GDI2: variants seen among roughly 807,000 people sequenced by gnomAD.
GDI2 encodes the protein GDP dissociation inhibitor 2, also known as rab GDP dissociation inhibitor beta.
GDI2 carries 22 observed loss-of-function variants against 54.2 expected under a neutral mutation model. The observed-to-expected ratio is 0.41, with a 90% CI of 0.29 to 0.58. The LOEUF (loss-of-function observed/expected upper bound fraction) is 0.58. Among genes scored for constraint, GDI2 ranks in the 20% least tolerant of loss-of-function variants. GDI2 has a pLI of 0.35. For synonymous variants in GDI2, 177 were observed against 182.1 expected, an observed-to-expected ratio of 0.97 and a Z score of 0.23; for missense variants, 422 against 546.0, an observed-to-expected ratio of 0.77 and a Z score of 2.26.
At position 5,766,092 on chromosome 10, in the gene GDI2, T is replaced by G. The variant is rs956483528; in HGVS notation, c.1252A>C (p.Lys418Gln). The G allele has an allele frequency of 7.5e-6, 12 of 1,609,576 alleles. No individual in the cohort carries two copies. The highest frequency in any genetic ancestry group is 9.3e-6 in the Non-Finnish European group (11 of 1,178,240). ...CCTGTCATCCTCTTATAGATGTTTT[T>G]AATGTCATCACACGTTGTCTCAAAA... is the stretch of plus-strand genomic sequence containing the variant. ...THFETTCDDI[K>Q]NIYKRMTGSE... is the part of the protein sequence containing the mutation. The change falls in exon 11 of 11, where the codon AAA (lysine) becomes CAA (glutamine). Residue 418 changes from lysine (K) to glutamine (Q), a missense_variant. Coordinates refer to ENST00000380191, the MANE Select transcript of GDI2 (RefSeq NM_001494.4). This position sits in a 1 kb window ranked among gnomAD's most constrained non-coding sequence, Gnocchi z 5.8.
chr10:5,813,171 C>CA, intron 1 of GDI2, 43 bp downstream of exon 1: 1 of 1,331,520 alleles, frequency 7.5e-7, no homozygotes, highest in Non-Finnish European at 1.0e-6. Flanking sequence ...GGGGTGCGCC[C>CA]GCCCCGGCTG....
chr10:5,782,824 T>C (rs893210078), intron 6 of GDI2, among the ~76,000 whole-genome samples: 1 of 152,154 alleles, frequency 6.6e-6, no homozygotes. Flanking sequence ...TCCCAGCTCC[T>C]TGGGAGGCTG....
intron 2 of GDI2, among the ~76,000 whole-genome samples, chr10:5,797,694 G>A (rs935370343): frequency 6.6e-6 from 1 of 151,824 alleles, no homozygotes; most frequent in Non-Finnish European, 1.5e-5. Context: ...GAGCTGGGAT[G>A]GCACCACTGT....
chr10:5,773,868 CT>C lies in GDI2; in HGVS notation c.792del (p.Val265Ter). The C allele has an allele frequency of 6.7e-7, 1 of 1,502,756 alleles. No individual in the cohort carries two copies. The highest frequency in any genetic ancestry group is 9.2e-7 in the Non-Finnish European group (1 of 1,083,844). 93.1% of individuals were successfully genotyped at this position (1,502,756 alleles called of 1,614,324 possible). On this transcript the variant is annotated frameshift_variant, in exon 7 of 11. Transcript: ENST00000380191. LOFTEE classifies it high-confidence loss of function. ...PIEEIIVQNG[K>X]VIGVKSEGEI... is the part of the protein sequence containing the mutation. Reference sequence around the variant, plus strand: ...TCTCCTTCAGATTTTACACCAATTACTTTTCCATTCTGTACAATGATTTCTT... The same window carrying C: ...TCTCCTTCAGATTTTACACCAATTACTTTCCATTCTGTACAATGATTTCTT...
Position 5,801,185 on chromosome 10 carries a change from T to A in GDI2, c.46-480A>T, listed in dbSNP as rs186634510. On this transcript the variant is annotated intron_variant, in intron 1 of 10. Transcript: ENST00000380191. ...CCAGGCTGGTCTTGAACTCCTGACCTCAGGTGATCCTCCCGCCTCAGCCTC... is the reference window on the plus strand; with the variant it reads ...CCAGGCTGGTCTTGAACTCCTGACCACAGGTGATCCTCCCGCCTCAGCCTC... Among the ~76,000 whole-genome samples the A allele has an allele frequency of 3.3e-5, 5 of 152,142 alleles. No individual in the cohort carries two copies. The East Asian group carries it at 9.8e-4, about 30-fold the overall frequency.
intron 6 of GDI2, 149 bp downstream of exon 6, chr10:5,784,993 C>G (rs569199518): frequency 4.0e-6 from 2 of 498,420 alleles, no homozygotes; most frequent in East Asian, 6.8e-5. Flanking sequence ...CCATGCATAT[C>G]ATTATATGTT....
intron 1 of GDI2, among the ~76,000 whole-genome samples, chr10:5,802,597 CA>C (rs34590882): frequency 0.96 from 139,624 of 145,106 alleles, 67,199 homozygotes; most frequent in East Asian, 1. Flanking sequence ...GACTCCATCT[CA>C]AAAAAAAAAA....
chr10:5,794,188 A>AAATATAT (rs1448053813), intron 4 of GDI2, among the ~76,000 whole-genome samples: 2 of 40,342 alleles, frequency 5.0e-5, no homozygotes, highest in Non-Finnish European at 8.4e-5. Context: ...AAAAAAAAAA[A>AAATATAT]ATATATATAT....
intron 1 of GDI2, among the ~76,000 whole-genome samples, chr10:5,802,721 T>C (rs1841297183): frequency 6.6e-6 from 1 of 152,228 alleles, no homozygotes; most frequent in Non-Finnish European, 1.5e-5. Context: ...GATGTTTTGA[T>C]AATGTAAAAT....
Position 5,772,973 on chromosome 10 carries a change from C to T in GDI2, c.819+869G>A, listed in dbSNP as rs1319291795. Among the ~76,000 whole-genome samples the T allele has an allele frequency of 7.2e-5, 11 of 152,194 alleles. No individual in the cohort carries two copies. The East Asian group carries it at 1.4e-3, about 19-fold the overall frequency. On this transcript the variant is annotated intron_variant, in intron 7 of 10. Coordinates refer to ENST00000380191, the MANE Select transcript of GDI2 (RefSeq NM_001494.4). Reference sequence around the variant, plus strand: ...CTCCAGGTATAACCTGGACATAATACCCGCCTCTTAGGATCCTTGTAAGGA... The same window carrying T: ...CTCCAGGTATAACCTGGACATAATATCCGCCTCTTAGGATCCTTGTAAGGA...
chr10:5,799,851 A>G (rs1297518922), intron 2 of GDI2, among the ~76,000 whole-genome samples: 1 of 152,216 alleles, frequency 6.6e-6, no homozygotes, highest in East Asian at 1.9e-4. Flanking sequence ...ATCACTTTCA[A>G]TGGATCAAAA....
chr10:5,788,070 C>G (rs1360160730), intron 4 of GDI2, among the ~76,000 whole-genome samples: 1 of 152,192 alleles, frequency 6.6e-6, no homozygotes. Flanking sequence ...ATCTCAATGA[C>G]TAGCTGTTAA....
intron 6 of GDI2, among the ~76,000 whole-genome samples, chr10:5,779,316 T>C (rs896923065): frequency 9.2e-5 from 14 of 152,124 alleles, no homozygotes; most frequent in African/African-American, 3.4e-4. Flanking sequence ...GAGACCATCC[T>C]GGCCAACATG....
At chr10:5,792,046 G>GA (rs924179065) in intron 4 of GDI2, among the ~76,000 whole-genome samples, 1 of 152,140 alleles carries the variant, frequency 6.6e-6, no homozygotes, top group Non-Finnish European at 1.5e-5. Flanking sequence ...TATTATATGA[G>GA]AAACAACTAA....
chr10:5,792,668 C>G (rs1192056010), intron 4 of GDI2, among the ~76,000 whole-genome samples: 2 of 144,008 alleles, frequency 1.4e-5, no homozygotes, highest in Admixed American at 7.1e-5. Flanking sequence ...AAAATATATA[C>G]AGAAGCATAT....
intron 4 of GDI2, among the ~76,000 whole-genome samples, chr10:5,793,004 A>G (rs1337117752): frequency 6.6e-6 from 1 of 151,992 alleles, no homozygotes; most frequent in Non-Finnish European, 1.5e-5. Flanking sequence ...TTTATCTAAA[A>G]AAAATTTTGA....
Position 5,794,189 on chromosome 10 carries a change from ATATATATATATATATATATATATAT to A in GDI2, c.388+671_388+695del, listed in dbSNP as rs1217401216. 1.8e-3 allele frequency among the ~76,000 whole-genome samples: 61 copies of A among 33,964 alleles called. 5 individuals carry two copies. The highest frequency in any genetic ancestry group is 4.8e-3 in the South Asian group (3 of 622). 22.3% of individuals were successfully genotyped at this position (33,964 alleles called of 152,430 possible). On this transcript the variant is annotated intron_variant, in intron 4 of 10. Coordinates refer to ENST00000380191, the MANE Select transcript of GDI2 (RefSeq NM_001494.4). ...CTTTAAAAGAAAAAAAAAAAAAAAA[ATATATATATATATATATATATATAT>A]ATATATATATATATATATAAAACTC...
At chr10:5,793,098 G>A (rs954300740) in intron 4 of GDI2, among the ~76,000 whole-genome samples, 9 of 152,000 alleles carry the variant, frequency 5.9e-5, no homozygotes, top group Admixed American at 3.9e-4. Flanking sequence ...GGACTCAAGC[G>A]ATCCTCCTGC....
rs1840296487 is a variant in GDI2 at position 5,765,491 on chromosome 10, G to C, written c.*515C>G. 1 of 152,536 alleles carries C rather than the reference G, an allele frequency of 6.6e-6. No individual in the cohort carries two copies. The highest frequency in any genetic ancestry group is 1.5e-5 in the Non-Finnish European group (1 of 68,164). 9.4% of individuals were successfully genotyped at this position (152,536 alleles called of 1,614,324 possible). A position where few individuals can be genotyped will look rare whatever the true frequency, so the allele number is the denominator to read the frequency against. On this transcript the variant is annotated 3_prime_UTR_variant, in exon 11 of 11. Transcript: ENST00000380191. The stretch of plus-strand genomic sequence containing the variant: ...GTCTGGGGTTTGGTTAGAATTTTAT[G>C]CCCACATAAACCAAACTTGTGGCTA...
Sources: gnomAD v4.1 joint callset for allele counts (sites outside exome capture counted in the v4.1 genomes callset) on GRCh38, gnomAD v4.1.1 for gene constraint, Gnocchi (gnomAD v3.1) non-coding constraint, MANE v1.5 for transcripts, NCBI Gene and HGNC (gene_info 2026-07-23, HGNC 2026-07-21) for gene names.